Variants in MSRA observed in about 807,000 individuals in gnomAD.
MSRA encodes the protein methionine sulfoxide reductase A.
In MSRA, 54 loss-of-function variants were observed where a neutral mutation model predicts 31.3. The ratio of observed to expected loss-of-function variants is 1.73; its 90% CI spans 1.39 to 2.17. The LOEUF is 2.17. Ranked by LOEUF, MSRA falls within the 30% of genes most tolerant of loss-of-function variation. The pLI is 0.00. For missense variants in MSRA, 507 were observed against 300.9 expected (o/e 1.69, Z -5.07); for synonymous variants, 169 against 116.5 (o/e 1.45, Z -2.90).
intron 3 of MSRA, among the ~76,000 whole-genome samples, chr8:10,269,850 A>G (rs562084230): frequency 6.6e-6 from 1 of 152,124 alleles, no homozygotes; most frequent in South Asian, 2.1e-4. Flanking sequence ...ACGGGGTTTC[A>G]CCGTGTTAGC....
Position 10,231,800 on chromosome 8 carries a change from G to A in MSRA, c.212-13304G>A, listed in dbSNP as rs1257445463. Among the ~76,000 whole-genome samples the A allele has an allele frequency of 7.2e-5, 11 of 152,180 alleles. 1 individual carries two copies. Among genetic ancestry groups the A allele is most frequent in the African/African-American group, 2.7e-4 (11 of 41,440 alleles). On this transcript the variant is annotated intron_variant, in intron 2 of 5. Transcript: ENST00000317173. ...CGCCTATAGTCCCAACTACTTGGGAGGCTGAGGCAGGAGAATTGCTTGAGC... is the reference window on the plus strand; with the variant it reads ...CGCCTATAGTCCCAACTACTTGGGAAGCTGAGGCAGGAGAATTGCTTGAGC...
chr8:10,200,519 A>G (rs1156508353), intron 1 of MSRA, among the ~76,000 whole-genome samples: 1 of 152,032 alleles, frequency 6.6e-6, no homozygotes, highest in Non-Finnish European at 1.5e-5. Context: ...GCTGCTCCTC[A>G]TCACGGGTCC....
chr8:10,060,089 C>G (rs1318123754), intron 1 of MSRA, among the ~76,000 whole-genome samples: 1 of 150,386 alleles, frequency 6.6e-6, no homozygotes, highest in Non-Finnish European at 1.5e-5. Context: ...TACCTTTTGA[C>G]CCAGGAATTC....
chr8:10,113,298 T>TTTTTTTTTTTTTTTTTTTTTTTTTTG lies in MSRA; in HGVS notation c.142+58656_142+58657insTTTTTTTTTGTTTTTTTTTTTTTTTT. Among the ~76,000 whole-genome samples the TTTTTTTTTTTTTTTTTTTTTTTTTTG allele has an allele frequency of 1.9e-5, 2 of 105,492 alleles. 1 individual carries two copies. The highest frequency in any genetic ancestry group is 3.6e-5 in the Non-Finnish European group (2 of 56,084). The allele number at this position is 105,492 out of a possible 152,430, so 69.2% of individuals were successfully genotyped here. On this transcript the variant is annotated intron_variant, in intron 1 of 5. Transcript: ENST00000317173. ...TTTGGTGAAGACAGGTCTTCTTTTT[T>TTTTTTTTTTTTTTTTTTTTTTTTTTG]TTTTTTTTTTTTTTTTGGAGGTGTG...
At chr8:10,283,685 T>A (rs1372843396) in intron 3 of MSRA, among the ~76,000 whole-genome samples, 1 of 151,208 alleles carries the variant, frequency 6.6e-6, no homozygotes, top group Admixed American at 6.6e-5. Context: ...AGTGAGAACA[T>A]ACAATGTTTT....
chr8:10,386,674 G>A (rs1482682826), intron 5 of MSRA, among the ~76,000 whole-genome samples: 1 of 152,072 alleles, frequency 6.6e-6, no homozygotes, highest in Admixed American at 6.5e-5. Flanking sequence ...TGTCTAACAA[G>A]CTCCCAGGTG....
intron 3 of MSRA, among the ~76,000 whole-genome samples, chr8:10,277,027 C>G (rs1799356442): frequency 1.3e-5 from 2 of 151,980 alleles, no homozygotes; most frequent in African/African-American, 2.4e-5. Context: ...TATAAATAAT[C>G]TGTTAGCTTT....
intron 1 of MSRA, among the ~76,000 whole-genome samples, chr8:10,161,634 A>G (rs1421670595): frequency 1.3e-5 from 2 of 152,190 alleles, no homozygotes; most frequent in African/African-American, 4.8e-5. Flanking sequence ...TTTGGTAAGA[A>G]GAGGCGGATG....
intron 5 of MSRA, among the ~76,000 whole-genome samples, chr8:10,323,699 A>G (rs1243828979): frequency 6.6e-6 from 1 of 151,112 alleles, no homozygotes; most frequent in Non-Finnish European, 1.5e-5. Flanking sequence ...TGTGCTGACC[A>G]GATGTTTTCT....
chr8:10,364,513 A>G (rs184739766), intron 5 of MSRA, among the ~76,000 whole-genome samples: 5 of 152,350 alleles, frequency 3.3e-5, no homozygotes, highest in Admixed American at 2.0e-4. Flanking sequence ...CCTTCCAGCC[A>G]TGGTGAGAAT....
At chr8:10,330,858 G>C (rs372554474) in intron 5 of MSRA, among the ~76,000 whole-genome samples, 1 of 152,152 alleles carries the variant, frequency 6.6e-6, no homozygotes, top group Non-Finnish European at 1.5e-5. Context: ...GTTATGGACC[G>C]AATATCTGTG....
intron 1 of MSRA, among the ~76,000 whole-genome samples, chr8:10,186,480 C>T (rs117733692): frequency 6.6e-6 from 1 of 152,126 alleles, no homozygotes; most frequent in African/African-American, 2.4e-5. Context: ...GGTTGTTCAG[C>T]CATTAAAATA....
At chr8:10,279,646 A>T (rs1025904312) in intron 3 of MSRA, among the ~76,000 whole-genome samples, 1 of 152,214 alleles carries the variant, frequency 6.6e-6, no homozygotes, top group Non-Finnish European at 1.5e-5. Context: ...TAGTTACAAA[A>T]TGGTTGAGTA....
intron 1 of MSRA, among the ~76,000 whole-genome samples, chr8:10,105,538 G>A (rs974694787): frequency 6.6e-5 from 10 of 152,160 alleles, no homozygotes; most frequent in Admixed American, 2.0e-4. Flanking sequence ...GACTGCTATA[G>A]CACACCGATA....
chr8:10,287,809 T>C (rs1411392709), intron 3 of MSRA, among the ~76,000 whole-genome samples: 2 of 152,172 alleles, frequency 1.3e-5, no homozygotes, highest in Non-Finnish European at 2.9e-5. Flanking sequence ...GGTAGAGCAC[T>C]AGAGTCACCC....
At chr8:10,244,446 T>C (rs575780977) in intron 2 of MSRA, among the ~76,000 whole-genome samples, 1 of 152,366 alleles carries the variant, frequency 6.6e-6, no homozygotes, top group South Asian at 2.1e-4. Context: ...AATGGAGTGC[T>C]ACTTTTGTGA....
chr8:10,071,487 A>G (rs1797730579), intron 1 of MSRA, among the ~76,000 whole-genome samples: 1 of 137,836 alleles, frequency 7.3e-6, no homozygotes, highest in Non-Finnish European at 1.5e-5. Context: ...TAAGACTTGT[A>G]CAGAGTAAAA....
chr8:10,333,792 C>A (rs1313182019), intron 5 of MSRA, among the ~76,000 whole-genome samples: 2 of 151,686 alleles, frequency 1.3e-5, no homozygotes, highest in Non-Finnish European at 2.9e-5. Flanking sequence ...AGAGTTTCCA[C>A]GTTTCTTCTC....
At chr8:10,074,145 C>A (rs377057690) in intron 1 of MSRA, among the ~76,000 whole-genome samples, 1 of 125,896 alleles carries the variant, frequency 7.9e-6, no homozygotes, top group Non-Finnish European at 1.6e-5. Context: ...TGCAGTGGTG[C>A]GATCTGGGCT....
Sources: allele counts gnomAD v4.1 joint callset (sites outside exome capture counted in the v4.1 genomes callset), GRCh38; gene constraint gnomAD v4.1.1; transcripts MANE v1.5; gene names NCBI Gene and HGNC (gene_info 2026-07-23, HGNC 2026-07-21).